Variants in USP15 observed in about 807,000 individuals in gnomAD.
The protein encoded by USP15 is ubiquitin carboxyl-terminal hydrolase 15.
USP15 carries 18 observed loss-of-function variants against 127.1 expected under a neutral mutation model. The ratio of observed to expected loss-of-function variants is 0.14; its 90% CI spans 0.10 to 0.21. USP15 has a LOEUF of 0.21. USP15 is among the 10% of genes least tolerant of loss of function. The probability of loss-of-function intolerance (pLI) is 1.00; values close to 1 mark genes in which losing one functional copy is unlikely to be tolerated. For missense variants in USP15, 805 were observed against 1,159.9 expected (o/e 0.69, Z 4.44); for synonymous variants, 364 against 393.7 (o/e 0.92, Z 0.89).
At chr12:62,265,736 G>A (rs991038567) in intron 1 of USP15, among the ~76,000 whole-genome samples, 10 of 151,970 alleles carry the variant, frequency 6.6e-5, no homozygotes, top group East Asian at 3.9e-4. Context: ...TTGTGGAGAC[G>A]GGATCTTACT....
intron 1 of USP15, among the ~76,000 whole-genome samples, chr12:62,292,604 G>C (rs2064004957): frequency 6.6e-6 from 1 of 152,172 alleles, no homozygotes; most frequent in African/African-American, 2.4e-5. Flanking sequence ...TCTATGTCTG[G>C]GCTCAAGCAC....
chr12:62,355,729 A>G (rs530463254), intron 8 of USP15, among the ~76,000 whole-genome samples: 2 of 151,802 alleles, frequency 1.3e-5, no homozygotes, highest in African/African-American at 2.4e-5. Context: ...ATAATATCAG[A>G]CAGAAAACTT....
chr12:62,325,064 GTA>G (rs2065088392), intron 5 of USP15, among the ~76,000 whole-genome samples: 1 of 151,730 alleles, frequency 6.6e-6, no homozygotes, highest in Non-Finnish European at 1.5e-5. Context: ...TGGTATTATC[GTA>G]TATTTCCTTT....
At chr12:62,353,481 G>C (rs1302951195) in intron 7 of USP15, among the ~76,000 whole-genome samples, 1 of 152,050 alleles carries the variant, frequency 6.6e-6, no homozygotes, top group African/African-American at 2.4e-5. Context: ...GTGTGTGTGT[G>C]TGTATAGGCA....
intron 8 of USP15, among the ~76,000 whole-genome samples, chr12:62,358,828 G>A (rs760614457): frequency 1.1e-4 from 17 of 152,086 alleles, no homozygotes; most frequent in Non-Finnish European, 2.2e-4. Context: ...ATCTAGAGAT[G>A]ATTTAAAGTA....
At chr12:62,398,706 T>A in intron 20 of USP15, among the ~76,000 whole-genome samples, 1 of 152,180 alleles carries the variant, frequency 6.6e-6, no homozygotes, top group Non-Finnish European at 1.5e-5. Context: ...GTCAGTTCCT[T>A]AAACGTGTGT....
In USP15 at chr12:62,346,394, T is replaced by C. The variant is rs539761237; in HGVS notation, c.684-2827T>C. On this transcript the variant is annotated intron_variant, in intron 6 of 21. Transcript: ENST00000280377. ...TCCACCATTGCTTTTGCACTATCAG[T>C]GCCAATATCCACTCAGTGAAAGAGG... is the stretch of plus-strand genomic sequence containing the variant. Among the ~76,000 whole-genome samples the C allele has an allele frequency of 3.8e-4, 58 of 152,324 alleles. No individual in the cohort carries two copies. In the East Asian group the frequency reaches 3.9e-3, roughly 10 times the overall value.
chr12:62,285,911 A>G (rs1372902693), intron 1 of USP15, among the ~76,000 whole-genome samples: 2 of 151,980 alleles, frequency 1.3e-5, no homozygotes, highest in Admixed American at 1.3e-4. Flanking sequence ...CATTCCCACC[A>G]TTCCTTTTCT....
chr12:62,335,403 A>C, intron 6 of USP15: 1 of 1,393,048 alleles, frequency 7.2e-7, no homozygotes, highest in Admixed American at 3.3e-5. Context: ...AGTATTGTAA[A>C]ATTGTTGTAC....
intron 3 of USP15, among the ~76,000 whole-genome samples, chr12:62,303,976 C>A (rs2064401395): frequency 6.6e-6 from 1 of 151,234 alleles, no homozygotes; most frequent in Non-Finnish European, 1.5e-5. Context: ...TCAAAGGTAG[C>A]CTATTTAGCT....
At chr12:62,366,242 G>A (rs1176702180) in intron 8 of USP15, among the ~76,000 whole-genome samples, 1 of 152,142 alleles carries the variant, frequency 6.6e-6, no homozygotes, top group East Asian at 1.9e-4. Flanking sequence ...GTGGTTTGTA[G>A]TTCTCCTTGA....
At chr12:62,346,886 T>C (rs2065833236) in intron 6 of USP15, among the ~76,000 whole-genome samples, 1 of 152,216 alleles carries the variant, frequency 6.6e-6, no homozygotes, top group South Asian at 2.1e-4. Context: ...TCATGGTTTC[T>C]ACATGATTTC....
At chr12:62,353,101 C>T (rs1205062515) in intron 7 of USP15, among the ~76,000 whole-genome samples, 1 of 151,746 alleles carries the variant, frequency 6.6e-6, no homozygotes, top group African/African-American at 2.4e-5. Flanking sequence ...CCATGACAAG[C>T]CTTAATATTT....
chr12:62,390,939 T>C lies in USP15; in HGVS notation c.1920T>C (p.Asn640=). 2 of 1,613,066 alleles carry C rather than the reference T, an allele frequency of 1.2e-6. No homozygotes were observed. The highest frequency in any genetic ancestry group is 1.7e-6 in the Non-Finnish European group (2 of 1,179,368). Residue 640 remains asparagine, a synonymous_variant, in exon 15 of 22, where the codon AAT becomes AAC. Coordinates refer to ENST00000280377, the MANE Select transcript of USP15 (RefSeq NM_001252078.2). The part of the protein sequence containing the change: ...SLHCCKDQNI[N]GNGPNGIHEE... ...ACTGCTGTAAGGACCAAAATATTAATGGGAATGGCCCAAATGGCATACATG... is the reference window on the plus strand; with the variant it reads ...ACTGCTGTAAGGACCAAAATATTAACGGGAATGGCCCAAATGGCATACATG...
chr12:62,372,656 G>A (rs572060047), intron 8 of USP15, among the ~76,000 whole-genome samples: 2 of 152,110 alleles, frequency 1.3e-5, no homozygotes, highest in African/African-American at 4.8e-5. Context: ...TGAATATTAT[G>A]TGCAAGGGAC....
intron 6 of USP15, among the ~76,000 whole-genome samples, chr12:62,330,803 G>T (rs2065271561): frequency 6.6e-6 from 1 of 151,144 alleles, no homozygotes; most frequent in Non-Finnish European, 1.5e-5. Context: ...GCATGCACCT[G>T]TAGTCTCAGC....
chr12:62,374,085 T>C (rs1402917043), intron 8 of USP15, among the ~76,000 whole-genome samples: 1 of 151,950 alleles, frequency 6.6e-6, no homozygotes, highest in African/African-American at 2.4e-5. Context: ...ACAATTGACA[T>C]GGCGAATATG....
Position 62,388,117 on chromosome 12 carries a change from ATTTTTT to A in USP15, c.1474-1294_1474-1289del, listed in dbSNP as rs58192089. ...ATAGGAAGCCTAAAGAATGGTGAAG[ATTTTTT>A]TTTTTTTTTTTTTTTTTTTGTTAAT... On this transcript the variant is annotated intron_variant, in intron 11 of 21. Transcript: ENST00000280377. 8.8e-3 allele frequency among the ~76,000 whole-genome samples: 938 copies of A among 106,592 alleles called. 7 individuals carry two copies. Among genetic ancestry groups the A allele is most frequent in the African/African-American group, 0.031 (878 of 28,182 alleles). The allele number at this position is 106,592 out of a possible 152,430, so 69.9% of individuals were successfully genotyped here.
chr12:62,381,215 A>G (rs1193159704), intron 8 of USP15, among the ~76,000 whole-genome samples: 1 of 152,130 alleles, frequency 6.6e-6, no homozygotes, highest in Non-Finnish European at 1.5e-5. Flanking sequence ...TCTCCCAGTT[A>G]CCAGGTAGTT....
Sources: gnomAD v4.1 joint callset for allele counts (sites outside exome capture counted in the v4.1 genomes callset) on GRCh38, gnomAD v4.1.1 for gene constraint, MANE v1.5 for transcripts, NCBI Gene and HGNC (gene_info 2026-07-23, HGNC 2026-07-21) for gene names.